MINK1: variants seen among roughly 807,000 people sequenced by gnomAD.
The protein encoded by MINK1 is misshapen-like kinase 1.
A neutral mutation model predicts 178.4 loss-of-function variants in MINK1; 46 were observed. The observed-to-expected ratio is 0.26, with a 90% CI of 0.20 to 0.33. The LOEUF (loss-of-function observed/expected upper bound fraction) is 0.33, where lower values mean the gene tolerates loss of function less well. Among genes scored for constraint, MINK1 ranks in the 10% least tolerant of loss-of-function variants. The probability of loss-of-function intolerance (pLI) is 1.00; values close to 1 mark genes in which losing one functional copy is unlikely to be tolerated. For missense variants in MINK1, 1,366 were observed against 1,814.9 expected, an observed-to-expected ratio of 0.75 and a Z score of 4.49; for synonymous variants, 797 against 709.7, an observed-to-expected ratio of 1.12 and a Z score of -1.96.
intron 1 of MINK1, among the ~76,000 whole-genome samples, chr17:4,846,290 T>C (rs1032764715): frequency 3.3e-5 from 5 of 152,224 alleles, no homozygotes; most frequent in African/African-American, 9.6e-5. Context: ...ACTCAAGGAC[T>C]CATGAGGTCT....
intron 20 of MINK1, 119 bp downstream of exon 20, chr17:4,893,186 G>C: frequency 2.0e-6 from 3 of 1,535,958 alleles, no homozygotes; most frequent in Non-Finnish European, 2.7e-6. Context: ...TGGGGATGGA[G>C]GGACTGGTGC....
At chr17:4,835,174 G>A (rs1597357730) in intron 1 of MINK1, among the ~76,000 whole-genome samples, 1 of 152,262 alleles carries the variant, frequency 6.6e-6, no homozygotes, top group East Asian at 1.9e-4. Flanking sequence ...GGTTTAAACT[G>A]GGATGCCCAA....
At chr17:4,888,059 T>C (rs1968382071) in intron 12 of MINK1, among the ~76,000 whole-genome samples, 1 of 151,902 alleles carries the variant, frequency 6.6e-6, no homozygotes, top group South Asian at 2.1e-4. Context: ...CTACTAATAA[T>C]ACAAAAATTA....
At chr17:4,874,882 GAGA>G (rs1479948460) in intron 1 of MINK1, among the ~76,000 whole-genome samples, 1 of 152,094 alleles carries the variant, frequency 6.6e-6, no homozygotes, top group Non-Finnish European at 1.5e-5. Flanking sequence ...GCCCAGACAC[GAGA>G]AGGAGACAGA....
chr17:4,884,700 C>G (rs1968034842), intron 5 of MINK1, among the ~76,000 whole-genome samples: 1 of 152,190 alleles, frequency 6.6e-6, no homozygotes, highest in Non-Finnish European at 1.5e-5. Flanking sequence ...CCACCTGTAA[C>G]CCTGCAACTG....
At chr17:4,843,155 G>C (rs899737408) in intron 1 of MINK1, among the ~76,000 whole-genome samples, 1 of 152,142 alleles carries the variant, frequency 6.6e-6, no homozygotes, top group Admixed American at 6.6e-5. Flanking sequence ...TCGAAGCAGG[G>C]TAGGGGGAAC....
In MINK1 at chr17:4,890,124, C is replaced by T. The variant is rs1029293603; in HGVS notation, c.1347+361C>T. On this transcript the variant is annotated intron_variant, in intron 13 of 31. Coordinates refer to ENST00000355280, the MANE Select transcript of MINK1 (RefSeq NM_153827.5). Reference sequence around the variant, plus strand: ...TCCCCTGCACCCCCTCATTCTCCTGCGGATCCCTTCCTCCTTCTCCAACTC... The same window carrying T: ...TCCCCTGCACCCCCTCATTCTCCTGTGGATCCCTTCCTCCTTCTCCAACTC... The T allele has an allele frequency of 8.5e-5, 42 of 491,302 alleles. No individual in the cohort carries two copies. The Admixed American group carries it at 1.2e-3, about 14-fold the overall frequency. The allele number at this position is 491,302 out of a possible 1,614,324, so 30.4% of individuals were successfully genotyped here.
chr17:4,852,610 C>T (rs1912164620), intron 1 of MINK1, among the ~76,000 whole-genome samples: 1 of 149,796 alleles, frequency 6.7e-6, no homozygotes, highest in African/African-American at 2.5e-5. Context: ...ATCCCCACAC[C>T]AGCAAGAACC....
chr17:4,892,005 C>T (rs752129518), intron 16 of MINK1, 144 bp from the exon 17 acceptor site: 149 of 790,616 alleles, frequency 1.9e-4, no homozygotes, highest in Non-Finnish European at 2.9e-4. Context: ...GGCTTCATAA[C>T]CCTGGACGTA....
chr17:4,867,150 T>TTTTG (rs1915138998), intron 1 of MINK1, among the ~76,000 whole-genome samples: 1 of 138,822 alleles, frequency 7.2e-6, no homozygotes, highest in African/African-American at 2.7e-5. Context: ...TTTTTTTTTT[T>TTTTG]TTTTTTTTTT....
chr17:4,872,014 A>T (rs1231957215), intron 1 of MINK1, among the ~76,000 whole-genome samples: 1 of 152,078 alleles, frequency 6.6e-6, no homozygotes, highest in Non-Finnish European at 1.5e-5. Flanking sequence ...ACCACTTCAC[A>T]CCTACTAGGA....
chr17:4,895,978 C>T lies in MINK1; in HGVS notation c.3365-25C>T, dbSNP rs1473626480. 5 of 1,576,874 alleles carry T rather than the reference C, an allele frequency of 3.2e-6. No homozygotes were observed. The highest frequency in any genetic ancestry group is 2.7e-5 in the African/African-American group (2 of 73,874). ...CGTGGCGCAAGAAGGGAAGTCTCAGCATCCCTCTTCTCTCCCGCCCCCAGT... is the reference window on the plus strand; with the variant it reads ...CGTGGCGCAAGAAGGGAAGTCTCAGTATCCCTCTTCTCTCCCGCCCCCAGT... On this transcript the variant is annotated intron_variant, in intron 27 of 31. Transcript: ENST00000355280. The surrounding 1 kb of genome is among the most constrained non-coding windows in gnomAD (Gnocchi z 4.3).
chr17:4,837,798 C>A (rs946871130), intron 1 of MINK1, among the ~76,000 whole-genome samples: 1 of 152,150 alleles, frequency 6.6e-6, no homozygotes, highest in Middle Eastern at 3.2e-3. Flanking sequence ...CTATGCTTAG[C>A]GTCGCTGGAT....
chr17:4,882,162 C>T (rs1015338627), intron 4 of MINK1, among the ~76,000 whole-genome samples: 7 of 151,496 alleles, frequency 4.6e-5, no homozygotes, highest in Admixed American at 2.0e-4. Flanking sequence ...CATTAGTGGC[C>T]GGGCGCCCCC....
At chr17:4,844,292 T>C (rs1597381436) in intron 1 of MINK1, among the ~76,000 whole-genome samples, 1 of 152,306 alleles carries the variant, frequency 6.6e-6, no homozygotes, top group East Asian at 1.9e-4. Flanking sequence ...TGAGCCACCG[T>C]GCCCGGCCTG....
chr17:4,890,946 C>A lies in MINK1; in HGVS notation c.1567-5C>A, dbSNP rs1016604404. ...TGGCCTGCTTGACATCCCTTCACATCACAGGTAGAAGAGAGAACAAGGATG... is the reference window on the plus strand; with the variant it reads ...TGGCCTGCTTGACATCCCTTCACATAACAGGTAGAAGAGAGAACAAGGATG... On this transcript the variant is annotated splice_region_variant and splice_polypyrimidine_tract_variant and intron_variant, in intron 14 of 31. Coordinates refer to ENST00000355280, the MANE Select transcript of MINK1 (RefSeq NM_153827.5). 1.9e-6 allele frequency: 3 copies of A among 1,553,764 alleles called. No homozygotes were observed. The highest frequency in any genetic ancestry group is 2.7e-5 in the African/African-American group (2 of 73,134).
intron 1 of MINK1, among the ~76,000 whole-genome samples, chr17:4,858,342 T>A (rs1597429720): frequency 6.6e-6 from 1 of 152,292 alleles, no homozygotes; most frequent in East Asian, 1.9e-4. Flanking sequence ...TCCTTTGAAC[T>A]GGTACCCGAT....
chr17:4,891,195 C>CTT, intron 15 of MINK1, 71 bp downstream of exon 15: 1 of 1,054,228 alleles, frequency 9.5e-7, no homozygotes, highest in Non-Finnish European at 1.3e-6. Context: ...TACACACACA[C>CTT]GCGCGCACAC....
Position 4,891,665 on chromosome 17 carries a change from C to T in MINK1, c.1950C>T (p.Pro650=), listed in dbSNP as rs201027643. Residue 650 remains proline, a synonymous_variant, in exon 16 of 32, where the codon CCC becomes CCT. Coordinates refer to ENST00000355280, the MANE Select transcript of MINK1 (RefSeq NM_153827.5). ...NSDPTSEGPG[P]SPNPPAWVRP... ...ACCCCACCTCTGAAGGACCTGGCCC[C>T]AGCCCGAATCCCCCAGCCTGGGTCC... 5.1e-5 allele frequency: 81 copies of T among 1,600,466 alleles called. 1 individual carries two copies. Among genetic ancestry groups the T allele is most frequent in the Non-Finnish European group, 4.1e-5 (48 of 1,174,406 alleles).
Sources: allele counts gnomAD v4.1 joint callset (sites outside exome capture counted in the v4.1 genomes callset), GRCh38; gene constraint gnomAD v4.1.1; non-coding constraint Gnocchi (gnomAD v3.1); transcripts MANE v1.5; gene names NCBI Gene and HGNC (gene_info 2026-07-23, HGNC 2026-07-21).